The following ZDHHC14 variants were observed in gnomAD, a reference collection of about 807,000 sequenced individuals.
ZDHHC14 encodes the protein palmitoyltransferase ZDHHC14.
Under a neutral mutation model 47.7 loss-of-function variants are expected in ZDHHC14, and 16 were observed. That is an observed-to-expected ratio of 0.34 (90% CI 0.23 to 0.51). The LOEUF (loss-of-function observed/expected upper bound fraction) is 0.51, where lower values mean the gene tolerates loss of function less well. Ranked by LOEUF, ZDHHC14 falls within the 20% of genes least tolerant of loss-of-function variation. The pLI, the probability that ZDHHC14 is intolerant of heterozygous loss-of-function variation, is 0.97. For missense variants in ZDHHC14, 515 were observed against 662.5 expected, an observed-to-expected ratio of 0.78 and a Z score of 2.44; for synonymous variants, 293 against 278.9, an observed-to-expected ratio of 1.05 and a Z score of -0.50.
intron 2 of ZDHHC14, among the ~76,000 whole-genome samples, chr6:157,588,480 T>G (rs1783778832): frequency 6.6e-6 from 1 of 152,104 alleles, no homozygotes; most frequent in Non-Finnish European, 1.5e-5. Flanking sequence ...ATATACATTT[T>G]TTAAAGAAGA....
At position 157,542,648 on chromosome 6, in the gene ZDHHC14, C is replaced by T; in HGVS notation, c.309C>T (p.Phe103=). The change falls in exon 2 of 9, where the codon TTC becomes TTT. Residue 103 remains phenylalanine (F), a synonymous_variant. Transcript: ENST00000359775. The part of the protein sequence containing the change: ...AIPAVAGILF[F]FVMGTLLRTS... ...CTGCAGTCGCTGGCATCCTGTTCTTCTTTGTGATGGGGACCCTGCTCCGCA... is the reference window on the plus strand; with the variant it reads ...CTGCAGTCGCTGGCATCCTGTTCTTTTTTGTGATGGGGACCCTGCTCCGCA... 1 of 1,614,186 alleles carries T rather than the reference C, an allele frequency of 6.2e-7. No homozygotes were observed. Among genetic ancestry groups the T allele is most frequent in the East Asian group, 2.2e-5 (1 of 44,884 alleles).
chr6:157,576,623 T>C (rs1783317850), intron 2 of ZDHHC14, among the ~76,000 whole-genome samples: 1 of 152,180 alleles, frequency 6.6e-6, no homozygotes. Flanking sequence ...GTTGGTAGCA[T>C]CCAACAGCTG....
At position 157,382,225 on chromosome 6, in the gene ZDHHC14, C is replaced by A. The variant is rs377246083; in HGVS notation, c.204C>A (p.Leu68=). 2.9e-5 allele frequency: 46 copies of A among 1,612,588 alleles called. No individual in the cohort carries two copies. Among genetic ancestry groups the A allele is most frequent in the East Asian group, 2.5e-4 (11 of 44,696 alleles). Residue 68 remains leucine (L), a synonymous_variant, in exon 1 of 9, where the codon CTC becomes CTA. Coordinates refer to ENST00000359775, the MANE Select transcript of ZDHHC14 (RefSeq NM_024630.3). The part of the protein sequence containing the change: ...ARQTGVFYLT[L]VLILVTSGLF... Reference sequence around the variant, plus strand: ...AGACGGGCGTCTTCTACCTGACGCTCGTCCTCATCCTGGTCACTAGCGGAC... The same window carrying A: ...AGACGGGCGTCTTCTACCTGACGCTAGTCCTCATCCTGGTCACTAGCGGAC...
intron 1 of ZDHHC14, among the ~76,000 whole-genome samples, chr6:157,512,126 G>A (rs1265736500): frequency 1.3e-5 from 2 of 152,222 alleles, no homozygotes; most frequent in Non-Finnish European, 2.9e-5. Flanking sequence ...TCCTGCGGTA[G>A]GTCCAATTAT....
intron 1 of ZDHHC14, among the ~76,000 whole-genome samples, chr6:157,531,220 G>A (rs1456989714): frequency 6.6e-6 from 1 of 152,062 alleles, no homozygotes; most frequent in South Asian, 2.1e-4. Context: ...AATATTTGTC[G>A]AGTGCCTATC....
At position 157,427,027 on chromosome 6, in the gene ZDHHC14, C is replaced by T. The variant is rs145232370; in HGVS notation, c.245+44761C>T. ...CTGGAGGAGAAGGTAGGTGAGGAATCGGTCTAGAGGAAAAGGAGGAGAGGC... is the reference window on the plus strand; with the variant it reads ...CTGGAGGAGAAGGTAGGTGAGGAATTGGTCTAGAGGAAAAGGAGGAGAGGC... On this transcript the variant is annotated intron_variant, in intron 1 of 8. Coordinates refer to ENST00000359775, the MANE Select transcript of ZDHHC14 (RefSeq NM_024630.3). This position sits in a 1 kb window ranked among gnomAD's most constrained non-coding sequence, Gnocchi z 4.4. Among the ~76,000 whole-genome samples the T allele has an allele frequency of 4.3e-3, 648 of 152,106 alleles. 7 individuals are homozygous for T. The highest frequency in any genetic ancestry group is 0.015 in the African/African-American group (611 of 41,496).
chr6:157,494,430 G>A (rs991880045), intron 1 of ZDHHC14, among the ~76,000 whole-genome samples: 2 of 152,184 alleles, frequency 1.3e-5, no homozygotes, highest in African/African-American at 4.8e-5. Flanking sequence ...AATGATCTCT[G>A]GTCTGGAGAG....
At chr6:157,482,266 T>C (rs1194739402) in intron 1 of ZDHHC14, among the ~76,000 whole-genome samples, 9 of 149,072 alleles carry the variant, frequency 6.0e-5, no homozygotes, top group Non-Finnish European at 7.5e-5. Flanking sequence ...TTTTCTTTTT[T>C]TTTTTTTTTT....
intron 3 of ZDHHC14, among the ~76,000 whole-genome samples, chr6:157,596,922 C>T (rs1275959115): frequency 6.6e-6 from 1 of 152,156 alleles, no homozygotes; most frequent in African/African-American, 2.4e-5. Flanking sequence ...TAGTAGGAAT[C>T]GCCTTGTTTC....
At chr6:157,562,480 G>A (rs970358502) in intron 2 of ZDHHC14, among the ~76,000 whole-genome samples, 2 of 152,162 alleles carry the variant, frequency 1.3e-5, no homozygotes, top group African/African-American at 4.8e-5. Flanking sequence ...GCTGCTGCTG[G>A]GCTCTCCATG....
intron 1 of ZDHHC14, among the ~76,000 whole-genome samples, chr6:157,517,784 G>A (rs1780753172): frequency 6.6e-6 from 1 of 152,238 alleles, no homozygotes; most frequent in Admixed American, 6.5e-5. Context: ...TCTGGGCGCT[G>A]CCTGCATTTC....
intron 1 of ZDHHC14, among the ~76,000 whole-genome samples, chr6:157,494,949 C>A (rs1487612967): frequency 1.3e-5 from 2 of 152,198 alleles, no homozygotes; most frequent in African/African-American, 4.8e-5. Context: ...CTGCGTTTTC[C>A]TCTCCCATGG....
chr6:157,572,048 G>A (rs1783119842), intron 2 of ZDHHC14, among the ~76,000 whole-genome samples: 1 of 152,048 alleles, frequency 6.6e-6, no homozygotes, highest in African/African-American at 2.4e-5. Flanking sequence ...ACGCTGAGAT[G>A]ATTCATTTCT....
intron 1 of ZDHHC14, among the ~76,000 whole-genome samples, chr6:157,415,336 A>T (rs927761156): frequency 2.1e-5 from 3 of 145,396 alleles, no homozygotes; most frequent in African/African-American, 5.7e-5. Context: ...GAAGGTATTT[A>T]AAAAAAAATC....
At position 157,660,478 on chromosome 6, in the gene ZDHHC14, C is replaced by T. The variant is rs1778302881; in HGVS notation, c.1068+6851C>T. On this transcript the variant is annotated intron_variant, in intron 8 of 8. Transcript: ENST00000359775. ...AAAGTGCTGGGATTACAGGCATGAA[C>T]CACTGCGCCTGGCCCCGGATGGTTT... Among the ~76,000 whole-genome samples, 4 of 152,202 alleles carry T rather than the reference C, an allele frequency of 2.6e-5. No individual in the cohort carries two copies. The South Asian group carries it at 8.3e-4, about 31-fold the overall frequency.
At chr6:157,639,449 C>T (rs138730089) in intron 5 of ZDHHC14, among the ~76,000 whole-genome samples, 4,775 of 152,206 alleles carry the variant, frequency 0.031, 270 homozygotes, top group African/African-American at 0.11. Context: ...GGATTACAGG[C>T]GCTCGCCACC....
Position 157,470,493 on chromosome 6 carries a change from G to A in ZDHHC14, c.246-72092G>A, listed in dbSNP as rs1162048935. Reference sequence around the variant, plus strand: ...AAATGCCCATGATAGTATATGGATTGAAAAAGTGTCAAAAAGCTAAAGGTA... The same window carrying A: ...AAATGCCCATGATAGTATATGGATTAAAAAAGTGTCAAAAAGCTAAAGGTA... On this transcript the variant is annotated intron_variant, in intron 1 of 8. Coordinates refer to ENST00000359775, the MANE Select transcript of ZDHHC14 (RefSeq NM_024630.3). Among the ~76,000 whole-genome samples, 4 of 152,264 alleles carry A rather than the reference G, an allele frequency of 2.6e-5. No individual in the cohort carries two copies. The East Asian group carries it at 7.7e-4, about 29-fold the overall frequency.
intron 2 of ZDHHC14, among the ~76,000 whole-genome samples, chr6:157,559,057 G>A (rs543452783): frequency 2.6e-4 from 39 of 152,242 alleles, no homozygotes; most frequent in African/African-American, 8.4e-4. Flanking sequence ...AAGCTCTGCC[G>A]AGATAAAAGC....
intron 1 of ZDHHC14, among the ~76,000 whole-genome samples, chr6:157,416,401 G>T (rs143610712): frequency 3.3e-5 from 5 of 151,810 alleles, no homozygotes; most frequent in Non-Finnish European, 7.4e-5. Flanking sequence ...AGTGTCTCAC[G>T]CCTGTAATCC....
Sources: gnomAD v4.1 joint callset for allele counts (sites outside exome capture counted in the v4.1 genomes callset) on GRCh38, gnomAD v4.1.1 for gene constraint, Gnocchi (gnomAD v3.1) non-coding constraint, MANE v1.5 for transcripts, NCBI Gene and HGNC (gene_info 2026-07-23, HGNC 2026-07-21) for gene names.